SPTBN1: variants seen among roughly 807,000 people sequenced by gnomAD.
SPTBN1 encodes the protein spectrin beta chain, non-erythrocytic 1.
In SPTBN1, 32 loss-of-function variants were observed where a neutral mutation model predicts 266.4. That is an observed-to-expected ratio of 0.12 (90% CI 0.09 to 0.16). The LOEUF (loss-of-function observed/expected upper bound fraction) is 0.16, where lower values mean the gene tolerates loss of function less well. Among genes scored for constraint, SPTBN1 ranks in the 10% least tolerant of loss-of-function variants. The pLI, the probability that SPTBN1 is intolerant of heterozygous loss-of-function variation, is 1.00. For missense variants in SPTBN1, 2,296 were observed against 3,067.1 expected (o/e 0.75, Z 5.94); for synonymous variants, 1,336 against 1,162.2 (o/e 1.15, Z -3.04).
chr2:54,565,324 A>G (rs957746598), intron 2 of SPTBN1, among the ~76,000 whole-genome samples: 17 of 152,218 alleles, frequency 1.1e-4, no homozygotes, highest in Non-Finnish European at 2.1e-4. Context: ...GGGGGAAAAT[A>G]TGTTTTTTAG....
intron 1 of SPTBN1, among the ~76,000 whole-genome samples, chr2:54,474,277 T>G (rs1667689776): frequency 6.6e-6 from 1 of 152,222 alleles, no homozygotes; most frequent in Non-Finnish European, 1.5e-5. Context: ...ACTATGATTT[T>G]TTTAAGTGGT....
At chr2:54,571,161 C>T (rs963467669) in intron 2 of SPTBN1, among the ~76,000 whole-genome samples, 2 of 151,996 alleles carry the variant, frequency 1.3e-5, no homozygotes, top group Non-Finnish European at 2.9e-5. Context: ...AGGGAAGTGG[C>T]TCAGAACATT....
At chr2:54,666,317 A>T (rs1209673564) in intron 34 of SPTBN1, among the ~76,000 whole-genome samples, 2 of 152,224 alleles carry the variant, frequency 1.3e-5, no homozygotes, top group East Asian at 3.8e-4. Flanking sequence ...CTGAGCATTG[A>T]AGGATAAGGA....
chr2:54,556,770 T>C (rs1278616851), intron 2 of SPTBN1, among the ~76,000 whole-genome samples: 1 of 152,146 alleles, frequency 6.6e-6, no homozygotes, highest in Admixed American at 6.5e-5. Context: ...TGATAATTTT[T>C]AGAACATTTC....
chr2:54,456,603 G>C (rs915502418), intron 1 of SPTBN1, 85 bp downstream of exon 1: 1 of 151,748 alleles, frequency 6.6e-6, no homozygotes, highest in African/African-American at 2.4e-5. Flanking sequence ...CGGGCGGGAG[G>C]AGGGGCGCGG....
chr2:54,582,169 T>C (rs1352266640), intron 2 of SPTBN1, among the ~76,000 whole-genome samples: 1 of 152,216 alleles, frequency 6.6e-6, no homozygotes, highest in Non-Finnish European at 1.5e-5. Flanking sequence ...AATACATTAA[T>C]GCAAAACATT....
intron 2 of SPTBN1, chr2:54,557,667 C>T: frequency 1.0e-6 from 1 of 963,578 alleles, no homozygotes; most frequent in Non-Finnish European, 1.2e-6. Context: ...GCGGTGTTTA[C>T]CTGTGTACCT....
intron 18 of SPTBN1, among the ~76,000 whole-genome samples, chr2:54,638,649 G>A (rs1190949325): frequency 1.3e-5 from 2 of 152,196 alleles, no homozygotes; most frequent in Non-Finnish European, 2.9e-5. Flanking sequence ...GTGTGAGTTC[G>A]TGAGCACACC....
chr2:54,544,307 A>G (rs1474936953), intron 2 of SPTBN1, among the ~76,000 whole-genome samples: 1 of 152,142 alleles, frequency 6.6e-6, no homozygotes, highest in East Asian at 1.9e-4. Flanking sequence ...CCTTCACATA[A>G]GTATTTGTAG....
chr2:54,600,985 T>C (rs1446044389), intron 3 of SPTBN1, among the ~76,000 whole-genome samples: 2 of 152,166 alleles, frequency 1.3e-5, no homozygotes, highest in African/African-American at 4.8e-5. Flanking sequence ...CCGTTTTTTC[T>C]GAACAGGGCA....
Position 54,653,458 on chromosome 2 carries a change from C to T in SPTBN1, c.5578-151C>T, listed in dbSNP as rs1472418766. The T allele has an allele frequency of 7.9e-7, 1 of 1,260,836 alleles. No homozygotes were observed. The highest frequency in any genetic ancestry group is 1.1e-6 in the Non-Finnish European group (1 of 932,758). The allele number at this position is 1,260,836 out of a possible 1,614,324, so 78.1% of individuals were successfully genotyped here. ...AAACGGGTTTTTGTGACTTGGATCTCCCCAGTGAAATTGAGGGCTCCTTAA... is the reference window on the plus strand; with the variant it reads ...AAACGGGTTTTTGTGACTTGGATCTTCCCAGTGAAATTGAGGGCTCCTTAA... On this transcript the variant is annotated intron_variant, in intron 26 of 35. Transcript: ENST00000356805. The surrounding 1 kb of genome is among the most constrained non-coding windows in gnomAD (Gnocchi z 5.1).
intron 34 of SPTBN1, among the ~76,000 whole-genome samples, chr2:54,667,399 A>G (rs1296265434): frequency 6.6e-6 from 1 of 152,060 alleles, no homozygotes; most frequent in Non-Finnish European, 1.5e-5. Context: ...TGTGTGTATC[A>G]TTGGCGCGAT....
intron 2 of SPTBN1, among the ~76,000 whole-genome samples, chr2:54,591,333 C>G (rs1220067220): frequency 6.6e-6 from 1 of 152,134 alleles, no homozygotes; most frequent in African/African-American, 2.4e-5. Context: ...TCTTAACTTC[C>G]ATCCCTGTAA....
rs778305735 is a variant in SPTBN1 at position 54,624,977 on chromosome 2, A to G, written c.1341+15A>G. On this transcript the variant is annotated intron_variant, in intron 11 of 35. Coordinates refer to ENST00000356805, the MANE Select transcript of SPTBN1 (RefSeq NM_003128.3). ...TGGTGTCTCAGGTTCTGCTCTTGAC[A>G]TTATTAAAAAGACTGTTGCTAGGGT... The G allele has an allele frequency of 9.6e-6, 15 of 1,567,900 alleles. No individual in the cohort carries two copies. The highest frequency in any genetic ancestry group is 1.3e-5 in the Non-Finnish European group (15 of 1,159,718).
At position 54,628,875 on chromosome 2, in the gene SPTBN1, G is replaced by T. The variant is rs1678536689; in HGVS notation, c.1799-58G>T. 1 of 1,527,446 alleles carries T rather than the reference G, an allele frequency of 6.5e-7. No homozygotes were observed. The allele number at this position is 1,527,446 out of a possible 1,614,324, so 94.6% of individuals were successfully genotyped here. A position where few individuals can be genotyped will look rare whatever the true frequency, so the allele number is the denominator to read the frequency against. On this transcript the variant is annotated intron_variant, in intron 13 of 35. Transcript: ENST00000356805. The surrounding 1 kb of genome is among the most constrained non-coding windows in gnomAD (Gnocchi z 4.3). ...GGTGTAGCTTACTGCCTGCCAGTGA[G>T]CCTGCACCCATGCTGAGCTCCCTCA...
intron 1 of SPTBN1, among the ~76,000 whole-genome samples, chr2:54,518,583 G>T (rs1013084827): frequency 2.6e-5 from 4 of 152,090 alleles, no homozygotes; most frequent in Non-Finnish European, 2.9e-5. Flanking sequence ...TCCTTAGAAG[G>T]CCTTTTTAAA....
chr2:54,517,658 T>C (rs997297159), intron 1 of SPTBN1, among the ~76,000 whole-genome samples: 1 of 151,806 alleles, frequency 6.6e-6, no homozygotes, highest in Admixed American at 6.6e-5. Flanking sequence ...TTTTTTTTTT[T>C]CTTTTGAGAC....
intron 2 of SPTBN1, among the ~76,000 whole-genome samples, chr2:54,581,215 A>C (rs1399635506): frequency 6.6e-6 from 1 of 152,222 alleles, no homozygotes; most frequent in African/African-American, 2.4e-5. Context: ...ATTGAAAGCT[A>C]ATACATAACA....
chr2:54,570,968 T>C (rs879636641), intron 2 of SPTBN1, among the ~76,000 whole-genome samples: 1 of 152,096 alleles, frequency 6.6e-6, no homozygotes, highest in Non-Finnish European at 1.5e-5. Context: ...TTGAAAATGG[T>C]GCCCTGATTT....
Sources: allele counts gnomAD v4.1 joint callset (sites outside exome capture counted in the v4.1 genomes callset), GRCh38; gene constraint gnomAD v4.1.1; non-coding constraint Gnocchi (gnomAD v3.1); transcripts MANE v1.5; gene names NCBI Gene and HGNC (gene_info 2026-07-23, HGNC 2026-07-21).